NKAIN3: variants seen among roughly 807,000 people sequenced by gnomAD.
The protein encoded by NKAIN3 is sodium/potassium transporting ATPase interacting 3.
In NKAIN3, 25 loss-of-function variants were observed where a neutral mutation model predicts 30.2. The observed-to-expected ratio is 0.83, with a 90% CI of 0.60 to 1.16. The LOEUF (loss-of-function observed/expected upper bound fraction) is 1.16. Ranked by LOEUF, NKAIN3 falls within the 50% of genes most tolerant of loss-of-function variation. The pLI is 0.00. For synonymous variants in NKAIN3, 91 were observed against 89.6 expected (o/e 1.02, Z -0.09); for missense variants, 225 against 254.1 (o/e 0.89, Z 0.78).
intron 3 of NKAIN3, among the ~76,000 whole-genome samples, chr8:62,654,644 A>T (rs914629716): frequency 6.6e-6 from 1 of 152,194 alleles, no homozygotes; most frequent in Non-Finnish European, 1.5e-5. Context: ...TTATAAAGAA[A>T]ATATTATTCG....
Position 62,497,519 on chromosome 8 carries a change from G to A in NKAIN3, c.55-82020G>A, listed in dbSNP as rs893460868. On this transcript the variant is annotated intron_variant, in intron 1 of 6. Coordinates refer to ENST00000623646, the MANE Select transcript of NKAIN3 (RefSeq NM_001304533.3). ...TTAATTTAGAATAAACTGTTTCTAAGTAAGAGGACAATGGCCTGCTTATTC... is the reference window on the plus strand; with the variant it reads ...TTAATTTAGAATAAACTGTTTCTAAATAAGAGGACAATGGCCTGCTTATTC... Among the ~76,000 whole-genome samples the A allele has an allele frequency of 3.3e-5, 5 of 151,770 alleles. No homozygotes were observed. The South Asian group carries it at 1.0e-3, about 32-fold the overall frequency.
At chr8:62,306,018 T>A (rs1156323494) in intron 1 of NKAIN3, among the ~76,000 whole-genome samples, 3 of 150,504 alleles carry the variant, frequency 2.0e-5, no homozygotes, top group Non-Finnish European at 4.4e-5. Flanking sequence ...TATTCCATTT[T>A]CTTGAACTAT....
At chr8:62,726,815 A>T (rs1815273373) in intron 3 of NKAIN3, among the ~76,000 whole-genome samples, 1 of 152,106 alleles carries the variant, frequency 6.6e-6, no homozygotes, top group Non-Finnish European at 1.5e-5. Context: ...CTCTTTTAGA[A>T]GATAGAAGCA....
chr8:62,928,927 CAGG>C (rs1380885158), intron 5 of NKAIN3, among the ~76,000 whole-genome samples: 4 of 152,156 alleles, frequency 2.6e-5, no homozygotes, highest in Non-Finnish European at 5.9e-5. Flanking sequence ...TAGAAACAGG[CAGG>C]AGTTCTCCTG....
At chr8:62,254,135 ATTG>A (rs1188824527) in intron 1 of NKAIN3, among the ~76,000 whole-genome samples, 9 of 146,928 alleles carry the variant, frequency 6.1e-5, no homozygotes, top group African/African-American at 7.6e-5. Flanking sequence ...AACAAAATGA[ATTG>A]TTGTGCTTGG....
intron 5 of NKAIN3, among the ~76,000 whole-genome samples, chr8:62,996,850 T>C (rs1239758561): frequency 6.6e-6 from 1 of 152,170 alleles, no homozygotes; most frequent in Non-Finnish European, 1.5e-5. Flanking sequence ...ATGCAAAGGG[T>C]GGGCTCCCAT....
intron 3 of NKAIN3, among the ~76,000 whole-genome samples, chr8:62,714,834 A>G (rs772870170): frequency 3.7e-4 from 57 of 152,366 alleles, no homozygotes; most frequent in Middle Eastern, 3.4e-3. Context: ...ATCACTTGCA[A>G]AACTTTATGC....
intron 1 of NKAIN3, among the ~76,000 whole-genome samples, chr8:62,401,625 C>A (rs1297949866): frequency 6.6e-6 from 1 of 152,148 alleles, no homozygotes; most frequent in Non-Finnish European, 1.5e-5. Context: ...TTGGTTACTG[C>A]AGGCATATCT....
At chr8:62,502,629 C>T (rs1484848317) in intron 1 of NKAIN3, among the ~76,000 whole-genome samples, 1 of 152,060 alleles carries the variant, frequency 6.6e-6, no homozygotes, top group Non-Finnish European at 1.5e-5. Context: ...TTGGTATTCT[C>T]TGTCCCTATG....
intron 5 of NKAIN3, among the ~76,000 whole-genome samples, chr8:62,925,214 G>T (rs4352845): frequency 1.4e-4 from 22 of 152,002 alleles, no homozygotes; most frequent in African/African-American, 4.8e-4. Context: ...CTTACCTACC[G>T]TAGAATCTCA....
In NKAIN3 at chr8:62,505,396, G is replaced by T. The variant is rs375513853; in HGVS notation, c.55-74143G>T. Among the ~76,000 whole-genome samples the T allele has an allele frequency of 2.0e-4, 30 of 152,048 alleles. 1 individual carries two copies. Among genetic ancestry groups the T allele is most frequent in the Middle Eastern group, 6.3e-3 (2 of 316 alleles). ...TATATACAACAGTTCATTATGAAAA[G>T]CAAAATTTCTCCTGGTACTAAAGTT... On this transcript the variant is annotated intron_variant, in intron 1 of 6. Transcript: ENST00000623646.
At chr8:62,552,448 A>G (rs1364276633) in intron 1 of NKAIN3, among the ~76,000 whole-genome samples, 2 of 152,200 alleles carry the variant, frequency 1.3e-5, no homozygotes, top group Non-Finnish European at 2.9e-5. Context: ...TCCAATCTCA[A>G]TGAACAATCT....
intron 3 of NKAIN3, among the ~76,000 whole-genome samples, chr8:62,632,834 A>G (rs549945697): frequency 1.3e-5 from 2 of 152,300 alleles, no homozygotes; most frequent in East Asian, 3.9e-4. Flanking sequence ...CTGAAGGATC[A>G]TGCTTCTCAC....
At chr8:62,458,030 A>G (rs900466224) in intron 1 of NKAIN3, among the ~76,000 whole-genome samples, 9 of 152,192 alleles carry the variant, frequency 5.9e-5, no homozygotes, top group African/African-American at 2.2e-4. Flanking sequence ...TGGTTAGTGT[A>G]TAATCCAGCT....
intron 1 of NKAIN3, among the ~76,000 whole-genome samples, chr8:62,542,500 A>G (rs983478362): frequency 6.6e-6 from 1 of 152,212 alleles, no homozygotes; most frequent in African/African-American, 2.4e-5. Flanking sequence ...TTTAGAAGAC[A>G]AAACTAAACA....
intron 3 of NKAIN3, among the ~76,000 whole-genome samples, chr8:62,627,360 T>C (rs918785447): frequency 6.6e-6 from 1 of 152,112 alleles, no homozygotes; most frequent in Non-Finnish European, 1.5e-5. Context: ...TCTAAGTGCT[T>C]ATTTACAGCC....
chr8:62,312,239 G>A (rs1814466743), intron 1 of NKAIN3, among the ~76,000 whole-genome samples: 2 of 150,676 alleles, frequency 1.3e-5, no homozygotes, highest in Non-Finnish European at 1.5e-5. Flanking sequence ...TTATGTAGCA[G>A]TTTTATTTTA....
chr8:62,624,057 C>G (rs1811711560), intron 3 of NKAIN3, among the ~76,000 whole-genome samples: 1 of 152,074 alleles, frequency 6.6e-6, no homozygotes, highest in Admixed American at 6.6e-5. Context: ...CATTTGTAAA[C>G]TGTCATGGTG....
At chr8:62,825,295 T>A (rs184954440) in intron 4 of NKAIN3, among the ~76,000 whole-genome samples, 1 of 152,302 alleles carries the variant, frequency 6.6e-6, no homozygotes, top group African/African-American at 2.4e-5. Context: ...ACTAGACACA[T>A]TTAGGGGAAG....
Sources: gnomAD v4.1 joint callset for allele counts (sites outside exome capture counted in the v4.1 genomes callset) on GRCh38, gnomAD v4.1.1 for gene constraint, MANE v1.5 for transcripts, NCBI Gene and HGNC (gene_info 2026-07-23, HGNC 2026-07-21) for gene names.